Variants in TENM2 observed in about 807,000 individuals in gnomAD.
TENM2 encodes teneurin-2.
TENM2 carries 52 observed loss-of-function variants against 245.2 expected under a neutral mutation model. That is an observed-to-expected ratio of 0.21 (90% confidence interval 0.17 to 0.27). The LOEUF (loss-of-function observed/expected upper bound fraction) is 0.27, where lower values mean the gene tolerates loss of function less well. TENM2 is among the 10% of genes least tolerant of loss of function. TENM2 has a pLI of 1.00. For synonymous variants in TENM2, 1,363 were observed against 1,438.9 expected (o/e 0.95, Z 1.19); for missense variants, 3,046 against 3,666.8 (o/e 0.83, Z 4.37).
chr5:167,838,711 G>A (rs1323563664), intron 2 of TENM2, among the ~76,000 whole-genome samples: 4 of 152,068 alleles, frequency 2.6e-5, no homozygotes, highest in East Asian at 1.9e-4. Context: ...GATCAAGCTC[G>A]GTTTTCTGAG....
chr5:167,060,369 A>T, the TENM2 span, among the ~76,000 whole-genome samples: 4,536 of 152,086 alleles, frequency 0.03, 233 homozygotes, highest in African/African-American at 0.1. Context: ...AAGCAAAAAG[A>T]AGGCCAGGCG....
intron 2 of TENM2, among the ~76,000 whole-genome samples, chr5:167,859,400 C>T (rs1450673795): frequency 1.9e-3 from 243 of 129,376 alleles, no homozygotes; most frequent in South Asian, 2.9e-3. Context: ...GCCCCCCGCC[C>T]GGCCAGCCGC....
At chr5:168,178,204 C>T (rs1441979307) in intron 13 of TENM2, among the ~76,000 whole-genome samples, 1 of 152,200 alleles carries the variant, frequency 6.6e-6, no homozygotes, top group Non-Finnish European at 1.5e-5. Flanking sequence ...TTTCTGAGGG[C>T]CCCAGCAGGT....
chr5:167,242,554 C>T, the TENM2 span, among the ~76,000 whole-genome samples: 1 of 152,126 alleles, frequency 6.6e-6, no homozygotes, highest in South Asian at 2.1e-4. Flanking sequence ...CCCTCCTGTT[C>T]CTCTTCTCCA....
intron 2 of TENM2, among the ~76,000 whole-genome samples, chr5:167,408,155 C>T (rs868539157): frequency 1.1e-4 from 17 of 152,018 alleles, no homozygotes; most frequent in Admixed American, 2.0e-4. Flanking sequence ...ATATCAGAGA[C>T]AAACTATAGA....
At chr5:167,426,977 T>C (rs1763864179) in intron 2 of TENM2, among the ~76,000 whole-genome samples, 1 of 152,186 alleles carries the variant, frequency 6.6e-6, no homozygotes, top group Admixed American at 6.5e-5. Context: ...CTAGATGTCA[T>C]TTCCCAGCTG....
intron 2 of TENM2, among the ~76,000 whole-genome samples, chr5:167,685,679 G>T (rs1223430139): frequency 6.6e-6 from 1 of 152,148 alleles, no homozygotes; most frequent in Non-Finnish European, 1.5e-5. Context: ...ATCATCAAAA[G>T]AATCATGTAG....
intron 12 of TENM2, among the ~76,000 whole-genome samples, chr5:168,159,498 A>G (rs62383438): frequency 6.6e-6 from 1 of 152,180 alleles, no homozygotes; most frequent in South Asian, 2.1e-4. Context: ...TTTGCCCTCC[A>G]GACTAATTAC....
the TENM2 span, among the ~76,000 whole-genome samples, chr5:167,090,070 A>G: frequency 2.0e-5 from 3 of 152,118 alleles, no homozygotes; most frequent in African/African-American, 7.2e-5. Context: ...AAACAGCCTC[A>G]ATTAATATTG....
chr5:167,000,624 G>A, the TENM2 span, among the ~76,000 whole-genome samples: 1 of 152,090 alleles, frequency 6.6e-6, no homozygotes, highest in Non-Finnish European at 1.5e-5. Flanking sequence ...ATTCTGGTCT[G>A]ATTGCTTGAT....
intron 5 of TENM2, among the ~76,000 whole-genome samples, chr5:168,023,889 C>G (rs995381406): frequency 2.6e-5 from 4 of 152,136 alleles, no homozygotes; most frequent in Non-Finnish European, 5.9e-5. Context: ...TCACTTTCCT[C>G]TAAGTCTCAA....
chr5:168,263,840 G>C (rs1768422240), downstream of TENM2: 1 of 152,454 alleles, frequency 6.6e-6, no homozygotes, highest in Non-Finnish European at 1.5e-5. Context: ...CACAATCACT[G>C]TTTCAGATTT....
chr5:168,075,942 A>G (rs1421593575), intron 7 of TENM2, among the ~76,000 whole-genome samples: 5 of 152,114 alleles, frequency 3.3e-5, no homozygotes, highest in Non-Finnish European at 7.4e-5. Flanking sequence ...ACAGCACAGG[A>G]AAGACCCACC....
the TENM2 span, among the ~76,000 whole-genome samples, chr5:167,124,747 T>C: frequency 6.6e-6 from 1 of 152,180 alleles, no homozygotes; most frequent in African/African-American, 2.4e-5. Context: ...GGGTCATCAA[T>C]GTCAGGAGCC....
intron 2 of TENM2, among the ~76,000 whole-genome samples, chr5:167,624,075 A>G (rs942619203): frequency 6.6e-6 from 1 of 152,216 alleles, no homozygotes; most frequent in South Asian, 2.1e-4. Context: ...TACTAAGTTT[A>G]TACCCATAGG....
At chr5:167,112,395 A>G in the TENM2 span, among the ~76,000 whole-genome samples, 5 of 152,234 alleles carry the variant, frequency 3.3e-5, no homozygotes, top group African/African-American at 9.6e-5. Context: ...ATGTAATAAC[A>G]TCTTAGAGTA....
At chr5:167,098,938 TCAG>T in the TENM2 span, among the ~76,000 whole-genome samples, 2 of 152,338 alleles carry the variant, frequency 1.3e-5, no homozygotes, top group African/African-American at 4.8e-5. Flanking sequence ...ACCTGAGGAA[TCAG>T]CAGCTCTGCA....
chr5:168,024,512 A>G (rs1386501951), intron 5 of TENM2, among the ~76,000 whole-genome samples: 1 of 152,178 alleles, frequency 6.6e-6, no homozygotes, highest in African/African-American at 2.4e-5. Context: ...CTCCAGAGGG[A>G]TTTTGCCAGA....
chr5:167,587,017 C>CT (rs1775549786), intron 2 of TENM2, among the ~76,000 whole-genome samples: 1 of 152,160 alleles, frequency 6.6e-6, no homozygotes, highest in African/African-American at 2.4e-5. Context: ...TATGGATTGC[C>CT]TTTACCCTAA....
Sources: gnomAD v4.1 joint callset for allele counts (sites outside exome capture counted in the v4.1 genomes callset) on GRCh38, gnomAD v4.1.1 for gene constraint, MANE v1.5 for transcripts, NCBI Gene and HGNC (gene_info 2026-07-23, HGNC 2026-07-21) for gene names.